SRGAP1: variants seen among roughly 807,000 people sequenced by gnomAD.
SRGAP1 encodes SLIT-ROBO Rho GTPase-activating protein 1.
SRGAP1 carries 43 observed loss-of-function variants against 121.9 expected under a neutral mutation model. The ratio of observed to expected loss-of-function variants is 0.35; its 90% CI spans 0.28 to 0.46. SRGAP1 has a LOEUF of 0.46. Among genes scored for constraint, SRGAP1 ranks in the 20% least tolerant of loss-of-function variants. The probability of loss-of-function intolerance (pLI) is 1.00; values close to 1 mark genes in which losing one functional copy is unlikely to be tolerated. For synonymous variants in SRGAP1, 447 were observed against 485.4 expected (o/e 0.92, Z 1.04); for missense variants, 1,102 against 1,350.9 (o/e 0.82, Z 2.89).
intron 1 of SRGAP1, among the ~76,000 whole-genome samples, chr12:63,869,427 C>G (rs1565928303): frequency 1.3e-5 from 2 of 152,068 alleles, no homozygotes; most frequent in African/African-American, 4.8e-5. Context: ...CCAGCACATG[C>G]TTTTTGGGGG....
chr12:64,033,580 T>C (rs966555583), intron 4 of SRGAP1, among the ~76,000 whole-genome samples: 4 of 151,762 alleles, frequency 2.6e-5, no homozygotes, highest in African/African-American at 7.3e-5. Flanking sequence ...TAGCCCAGCA[T>C]GGTGGCGAAT....
intron 8 of SRGAP1, among the ~76,000 whole-genome samples, chr12:64,068,479 T>C (rs76748847): frequency 3.1e-3 from 1 of 322 alleles, no homozygotes; most frequent in South Asian, 0.1. Flanking sequence ...GGACTACAAG[T>C]GTTAACCACC....
chr12:64,008,094 G>A (rs2034140848), intron 3 of SRGAP1, among the ~76,000 whole-genome samples: 1 of 152,158 alleles, frequency 6.6e-6, no homozygotes, highest in African/African-American at 2.4e-5. Context: ...CATAACCATG[G>A]GCATGTCATT....
At chr12:63,978,001 A>G (rs2033138195) in intron 1 of SRGAP1, among the ~76,000 whole-genome samples, 3 of 152,174 alleles carry the variant, frequency 2.0e-5, no homozygotes, top group Admixed American at 2.0e-4. Context: ...TCTATTAGGT[A>G]AATCTTTTCT....
At chr12:63,978,480 G>A (rs1565978954) in intron 1 of SRGAP1, among the ~76,000 whole-genome samples, 1 of 151,994 alleles carries the variant, frequency 6.6e-6, no homozygotes, top group Non-Finnish European at 1.5e-5. Flanking sequence ...TTTTGTGAGT[G>A]GTTTCACTCA....
At chr12:64,036,762 A>T (rs1383001870) in intron 4 of SRGAP1, among the ~76,000 whole-genome samples, 1 of 152,236 alleles carries the variant, frequency 6.6e-6, no homozygotes, top group Non-Finnish European at 1.5e-5. Context: ...TGCATTGTAG[A>T]TGTTTAATAA....
intron 1 of SRGAP1, among the ~76,000 whole-genome samples, chr12:63,851,834 T>G (rs1350344836): frequency 6.6e-6 from 1 of 152,082 alleles, no homozygotes; most frequent in African/African-American, 2.4e-5. Context: ...CCCCAAGTGC[T>G]GGGATTACAG....
chr12:64,065,647 C>G (rs926322379), intron 8 of SRGAP1, among the ~76,000 whole-genome samples: 1 of 152,186 alleles, frequency 6.6e-6, no homozygotes, highest in Non-Finnish European at 1.5e-5. Flanking sequence ...CGGCTTCAAG[C>G]AGTCCTCCTG....
Position 64,128,215 on chromosome 12 carries a change from A to C in SRGAP1, c.2880+15A>C. ...CAATTGCTCAGGTACGATGCTTTTA[A>C]TTACATATTGCATTTTAAGTACCTA... On this transcript the variant is annotated intron_variant, in intron 21 of 21. Coordinates refer to ENST00000355086, the MANE Select transcript of SRGAP1 (RefSeq NM_020762.4). The C allele has an allele frequency of 6.3e-7, 1 of 1,590,444 alleles. No homozygotes were observed.
chr12:63,856,351 A>G (rs1027354783), intron 1 of SRGAP1, among the ~76,000 whole-genome samples: 1 of 152,184 alleles, frequency 6.6e-6, no homozygotes. Flanking sequence ...ACATGTATCA[A>G]TTATTTATAT....
intron 6 of SRGAP1, among the ~76,000 whole-genome samples, chr12:64,047,206 A>C (rs2035148593): frequency 6.6e-6 from 1 of 152,188 alleles, no homozygotes; most frequent in Non-Finnish European, 1.5e-5. Context: ...ATTCAGCTGA[A>C]ATTGGGTACT....
intron 1 of SRGAP1, chr12:63,888,741 A>T (rs1900477688): frequency 6.6e-6 from 1 of 152,220 alleles, no homozygotes; most frequent in South Asian, 2.1e-4. Flanking sequence ...TCTGTTAATA[A>T]TCAAGGAGGA....
chr12:63,886,920 C>T (rs2136292291), intron 1 of SRGAP1, among the ~76,000 whole-genome samples: 1 of 152,270 alleles, frequency 6.6e-6, no homozygotes, highest in East Asian at 1.9e-4. Context: ...GTCTCCCAGG[C>T]TAGAGTGCAA....
chr12:63,918,499 C>T (rs2030893052), intron 1 of SRGAP1, among the ~76,000 whole-genome samples: 1 of 152,154 alleles, frequency 6.6e-6, no homozygotes, highest in Non-Finnish European at 1.5e-5. Flanking sequence ...TCACTGCAGC[C>T]TCTGCCTCCC....
intron 1 of SRGAP1, among the ~76,000 whole-genome samples, chr12:63,980,860 C>G (rs766143521): frequency 6.6e-6 from 1 of 152,132 alleles, no homozygotes; most frequent in African/African-American, 2.4e-5. Context: ...TCCCAAAATG[C>G]TGGGATTACA....
At chr12:63,973,984 C>T (rs1210787660) in intron 1 of SRGAP1, among the ~76,000 whole-genome samples, 4 of 152,184 alleles carry the variant, frequency 2.6e-5, no homozygotes, top group Admixed American at 2.0e-4. Flanking sequence ...TTTGTATTCT[C>T]TATAAATCAA....
intron 21 of SRGAP1, 122 bp downstream of exon 21, chr12:64,128,322 A>C: frequency 1.0e-6 from 1 of 990,478 alleles, no homozygotes; most frequent in Non-Finnish European, 1.4e-6. Flanking sequence ...GAACCAACTA[A>C]AGAAAACAGA....
chr12:63,993,268 G>A (rs2033605725), intron 3 of SRGAP1, among the ~76,000 whole-genome samples: 1 of 151,838 alleles, frequency 6.6e-6, no homozygotes, highest in African/African-American at 2.4e-5. Flanking sequence ...ATTAGAACTT[G>A]GCAATTACCT....
intron 3 of SRGAP1, among the ~76,000 whole-genome samples, chr12:64,003,669 T>A (rs1279453961): frequency 2.0e-5 from 3 of 151,558 alleles, no homozygotes; most frequent in Non-Finnish European, 2.9e-5. Flanking sequence ...AAAAAATATT[T>A]TAAAAAAAAT....
Sources: gnomAD v4.1 joint callset for allele counts (sites outside exome capture counted in the v4.1 genomes callset) on GRCh38, gnomAD v4.1.1 for gene constraint, MANE v1.5 for transcripts, NCBI Gene and HGNC (gene_info 2026-07-23, HGNC 2026-07-21) for gene names.